Variants in SECISBP2 observed in about 807,000 individuals in gnomAD.
The protein encoded by SECISBP2 is selenocysteine insertion sequence-binding protein 2.
In SECISBP2, 96 loss-of-function variants were observed where a neutral mutation model predicts 98.2. The observed-to-expected ratio is 0.98, with a 90% confidence interval of 0.83 to 1.16. The LOEUF (loss-of-function observed/expected upper bound fraction) is 1.16. Ranked by LOEUF, SECISBP2 falls within the 50% of genes most tolerant of loss-of-function variation. The pLI is 0.00. For synonymous variants in SECISBP2, 407 were observed against 370.2 expected, an observed-to-expected ratio of 1.10 and a Z score of -1.14; for missense variants, 1,046 against 1,022.9, an observed-to-expected ratio of 1.02 and a Z score of -0.31.
chr9:89,319,158 A>C, intron 1 of SECISBP2: 1 of 693,702 alleles, frequency 1.4e-6, no homozygotes, highest in Non-Finnish European at 1.8e-6. Flanking sequence ...TTTTCTAGCA[A>C]AGCAAGGTTT....
intron 5 of SECISBP2, among the ~76,000 whole-genome samples, chr9:89,332,420 A>G (rs536600384): frequency 2.8e-4 from 42 of 152,346 alleles, no homozygotes; most frequent in African/African-American, 9.6e-4. Flanking sequence ...CTACCATAGT[A>G]GTATGGTACA....
intron 5 of SECISBP2, among the ~76,000 whole-genome samples, chr9:89,331,036 A>G (rs578077386): frequency 1.2e-4 from 19 of 152,366 alleles, no homozygotes; most frequent in African/African-American, 4.1e-4. Context: ...CTTCTAAAAG[A>G]AACTTTTTCC....
chr9:89,362,341 G>A (rs1832821811), downstream of SECISBP2: 4 of 1,613,930 alleles, frequency 2.5e-6, no homozygotes, highest in Admixed American at 1.7e-5. Context: ...GGGTGGCTGT[G>A]GTCAGTGGCA....
At chr9:89,352,715 CTCTT>C (rs1314869630) in intron 14 of SECISBP2, among the ~76,000 whole-genome samples, 3 of 152,084 alleles carry the variant, frequency 2.0e-5, no homozygotes, top group African/African-American at 7.2e-5. Flanking sequence ...TTCTTTTTAT[CTCTT>C]TCTTTTGGTT....
chr9:89,321,812 G>C (rs182279693), intron 2 of SECISBP2, among the ~76,000 whole-genome samples: 134 of 152,316 alleles, frequency 8.8e-4, no homozygotes, highest in African/African-American at 3.1e-3. Flanking sequence ...CCTTTAAAGT[G>C]GGGATGAAAT....
chr9:89,326,045 A>T lies in SECISBP2; in HGVS notation c.574+7A>T, dbSNP rs749975073. ...GAGAATAGTTTGAAATCAGGTAAAA[A>T]TAACCAACAATGTAGTATAATGCGA... On this transcript the variant is annotated splice_region_variant and intron_variant, in intron 4 of 16. Coordinates refer to ENST00000375807, the MANE Select transcript of SECISBP2 (RefSeq NM_024077.5). 1.2e-6 allele frequency: 2 copies of T among 1,611,256 alleles called. No individual in the cohort carries two copies. Among genetic ancestry groups the T allele is most frequent in the Non-Finnish European group, 1.7e-6 (2 of 1,179,950 alleles).
chr9:89,330,545 G>A (rs189286085), intron 5 of SECISBP2: 1 of 152,402 alleles, frequency 6.6e-6, no homozygotes, highest in East Asian at 1.9e-4. Context: ...AAGGCCTGAA[G>A]GCTCAGTGAC....
intron 4 of SECISBP2, among the ~76,000 whole-genome samples, chr9:89,327,949 G>A (rs1172663994): frequency 6.6e-6 from 1 of 152,046 alleles, no homozygotes; most frequent in Admixed American, 6.5e-5. Context: ...TAGCTAGGGG[G>A]CATGCGCCCC....
chr9:89,366,588 TA>T, the SECISBP2 span, among the ~76,000 whole-genome samples: 1 of 152,220 alleles, frequency 6.6e-6, no homozygotes, highest in Non-Finnish European at 1.5e-5. Context: ...TGGCCACAGA[TA>T]ATTCCATGTA....
chr9:89,326,388 G>A (rs1415324195), intron 4 of SECISBP2, among the ~76,000 whole-genome samples: 1 of 152,208 alleles, frequency 6.6e-6, no homozygotes, highest in East Asian at 1.9e-4. Flanking sequence ...AATTAAATGA[G>A]TGGCTTCATG....
chr9:89,324,029 G>T (rs1357011790), intron 2 of SECISBP2: 1 of 152,180 alleles, frequency 6.6e-6, no homozygotes, highest in Non-Finnish European at 1.5e-5. Flanking sequence ...CATTTCATTT[G>T]TCTGTTCATT....
chr9:89,323,169 C>G (rs542453224), intron 2 of SECISBP2: 1 of 152,036 alleles, frequency 6.6e-6, no homozygotes, highest in African/African-American at 2.4e-5. Flanking sequence ...GTAAATGGGG[C>G]TGTTTTGGGG....
At chr9:89,334,471 T>C in intron 6 of SECISBP2, 51 bp from the exon 7 acceptor site, 1 of 1,478,128 alleles carries the variant, frequency 6.8e-7, no homozygotes, top group Admixed American at 1.7e-5. Flanking sequence ...AACTAAGGAA[T>C]TTCTATTTTA....
At position 89,319,651 on chromosome 9, in the gene SECISBP2, G is replaced by A; in HGVS notation, c.37-1G>A. On this transcript the variant is annotated splice_acceptor_variant, in intron 1 of 16. Transcript: ENST00000375807. LOFTEE classifies it high-confidence loss of function. ...GGCCAAAACCTCATATTTTTCCTCA[G>A]GGCATCAAGTTATCAGCAGATGTCA... 6.2e-7 allele frequency: 1 copy of A among 1,614,094 alleles called. No individual in the cohort carries two copies. Among genetic ancestry groups the A allele is most frequent in the Non-Finnish European group, 8.5e-7 (1 of 1,180,006 alleles).
intron 14 of SECISBP2, chr9:89,356,947 GCA>G: frequency 3.8e-6 from 1 of 261,230 alleles, no homozygotes; most frequent in Non-Finnish European, 7.5e-6. Context: ...TCTCTCTGGT[GCA>G]CCAGCCTTGG....
At chr9:89,322,663 AAGCAGATCAGCT>A (rs1444374042) in intron 2 of SECISBP2, 1 of 152,204 alleles carries the variant, frequency 6.6e-6, no homozygotes, top group East Asian at 1.9e-4. Context: ...TTTTGAGTTA[AAGCAGATCAGCT>A]ATGAGAAGAA....
chr9:89,340,056 G>T, intron 9 of SECISBP2, 103 bp downstream of exon 9: 4 of 817,970 alleles, frequency 4.9e-6, no homozygotes, highest in Non-Finnish European at 4.1e-6. Flanking sequence ...TATGGTGACA[G>T]GTGGTTTTGT....
At chr9:89,352,660 G>A (rs1831463785) in intron 14 of SECISBP2, among the ~76,000 whole-genome samples, 1 of 152,040 alleles carries the variant, frequency 6.6e-6, no homozygotes, top group South Asian at 2.1e-4. Flanking sequence ...AGTATGTCAG[G>A]GTCGGGCCTC....
At chr9:89,336,540 A>G (rs984275618) in intron 7 of SECISBP2, among the ~76,000 whole-genome samples, 2 of 152,210 alleles carry the variant, frequency 1.3e-5, no homozygotes, top group Non-Finnish European at 2.9e-5. Context: ...CCCATTCCAC[A>G]TAAATGGTAG....
Sources: allele counts gnomAD v4.1 joint callset (sites outside exome capture counted in the v4.1 genomes callset), GRCh38; gene constraint gnomAD v4.1.1; transcripts MANE v1.5; gene names NCBI Gene and HGNC (gene_info 2026-07-23, HGNC 2026-07-21).